PRPF18: variants seen among roughly 807,000 people sequenced by gnomAD.
PRPF18 encodes the protein pre-mRNA-splicing factor 18.
Under a neutral mutation model 46.5 loss-of-function variants are expected in PRPF18, and 38 were observed. That is an observed-to-expected ratio of 0.82 (90% confidence interval 0.63 to 1.07). PRPF18 has a LOEUF of 1.07. Among genes scored for constraint, PRPF18 ranks in the 50% least tolerant of loss-of-function variants. The probability of loss-of-function intolerance (pLI) is 0.00; values close to 1 mark genes in which losing one functional copy is unlikely to be tolerated. For missense variants in PRPF18, 263 were observed against 410.0 expected (o/e 0.64, Z 3.10); for synonymous variants, 152 against 146.7 (o/e 1.04, Z -0.26).
chr10:13,617,935 T>G (rs959133712), intron 9 of PRPF18, among the ~76,000 whole-genome samples: 3 of 152,144 alleles, frequency 2.0e-5, no homozygotes, highest in Non-Finnish European at 2.9e-5. Context: ...GCAGACCCAG[T>G]GGTATTCTTG....
At chr10:13,622,551 G>A (rs1297196653) in intron 9 of PRPF18, among the ~76,000 whole-genome samples, 2 of 152,186 alleles carry the variant, frequency 1.3e-5, no homozygotes, top group Non-Finnish European at 2.9e-5. Flanking sequence ...TTGAGTTGTT[G>A]TTTGTAATTT....
the PRPF18 span, among the ~76,000 whole-genome samples, chr10:13,636,665 TCACA>T: frequency 2.6e-5 from 4 of 152,292 alleles, no homozygotes; most frequent in East Asian, 7.7e-4. Flanking sequence ...AGTAAACATT[TCACA>T]CAGTAAACAA....
chr10:13,611,615 G>T lies in PRPF18; in HGVS notation c.511G>T (p.Ala171Ser). 2 of 1,612,742 alleles carry T rather than the reference G, an allele frequency of 1.2e-6. No individual in the cohort carries two copies. The highest frequency in any genetic ancestry group is 1.7e-6 in the Non-Finnish European group (2 of 1,179,274). Residue 171 changes from alanine (A) to serine (S), a missense_variant and splice_region_variant, in exon 6 of 10, where the codon GCG (alanine) becomes TCG (serine). Physicochemically the swap from Ala to Ser is moderately conservative, Grantham distance 99. Around this residue, in one of 4 missense-constraint regions of PRPF18, gnomAD observed 155 missense variants for 245.1 expected, o/e 0.63. Coordinates refer to ENST00000378572, the MANE Select transcript of PRPF18 (RefSeq NM_003675.4). ...AGAAGCATTGTTTCTTTTTCTTCAG[G>T]CGCTTGGAGAGTCCTTAGGGAAAGG... ...EENTTIEELE[A>S]LGESLGKGDD...
At chr10:13,609,533 C>G (rs2080241894) in intron 4 of PRPF18, among the ~76,000 whole-genome samples, 1 of 152,156 alleles carries the variant, frequency 6.6e-6, no homozygotes, top group African/African-American at 2.4e-5. Flanking sequence ...GGTCATGAAC[C>G]ATATGTGCAT....
chr10:13,596,810 C>G (rs2080041419), intron 1 of PRPF18, among the ~76,000 whole-genome samples: 1 of 152,060 alleles, frequency 6.6e-6, no homozygotes, highest in Non-Finnish European at 1.5e-5. Context: ...TTGATTGTGC[C>G]ACTCCACTCC....
intron 1 of PRPF18, among the ~76,000 whole-genome samples, chr10:13,596,886 A>C (rs929260035): frequency 5.3e-5 from 8 of 152,012 alleles, no homozygotes; most frequent in African/African-American, 1.9e-4. Flanking sequence ...CGCACAAAAA[A>C]CCCCAAATAT....
the PRPF18 span, chr10:13,643,515 G>A: frequency 6.6e-6 from 1 of 152,394 alleles, no homozygotes; most frequent in East Asian, 1.9e-4. Context: ...GAATAAGAGG[G>A]AATTCACCTC....
the PRPF18 span, chr10:13,638,852 G>A: frequency 6.6e-6 from 1 of 150,890 alleles, no homozygotes; most frequent in Admixed American, 6.7e-5. Context: ...GTCTTCCCCA[G>A]TGAAGTTGAC....
the PRPF18 span, chr10:13,646,387 C>T: frequency 6.3e-3 from 967 of 152,690 alleles, 1 homozygote; most frequent in Non-Finnish European, 8.7e-3. Flanking sequence ...TTTCTGGTGT[C>T]GAGAACTTCC....
Position 13,630,426 on chromosome 10 carries a change from G to C in PRPF18, c.*86G>C. 9.0e-7 allele frequency: 1 copy of C among 1,113,736 alleles called. No homozygotes were observed. The highest frequency in any genetic ancestry group is 2.5e-5 in the East Asian group (1 of 39,598). 69.0% of individuals were successfully genotyped at this position (1,113,736 alleles called of 1,614,324 possible). A position where few individuals can be genotyped will look rare whatever the true frequency, so the allele number is the denominator to read the frequency against. On this transcript the variant is annotated 3_prime_UTR_variant, in exon 10 of 10. Coordinates refer to ENST00000378572, the MANE Select transcript of PRPF18 (RefSeq NM_003675.4). ...GGAATTACCAACAGGAATGAGGAAA[G>C]AAGAAAACTGGAGTTTCCAGTCTCT... is the stretch of plus-strand genomic sequence containing the variant.
At chr10:13,595,606 G>A (rs1448373849) in intron 1 of PRPF18, among the ~76,000 whole-genome samples, 1 of 152,112 alleles carries the variant, frequency 6.6e-6, no homozygotes, top group Non-Finnish European at 1.5e-5. Flanking sequence ...CCTGAGTTCT[G>A]GGAATGTCAC....
intron 2 of PRPF18, among the ~76,000 whole-genome samples, chr10:13,598,851 ACCTTTTCAACTATTTGAT>A (rs2080069078): frequency 6.6e-6 from 1 of 152,132 alleles, no homozygotes; most frequent in South Asian, 2.1e-4. Context: ...TTAAATTTGA[ACCTTTTCAACTATTTGAT>A]AAGGTAGGAA....
intron 6 of PRPF18, among the ~76,000 whole-genome samples, chr10:13,612,174 C>T (rs1467300230): frequency 6.6e-6 from 1 of 152,210 alleles, no homozygotes; most frequent in Non-Finnish European, 1.5e-5. Context: ...GCCACTGCGA[C>T]TGGTCTGCTT....
the PRPF18 span, chr10:13,643,789 A>G: frequency 3.3e-5 from 5 of 152,684 alleles, no homozygotes; most frequent in Admixed American, 1.3e-4. Context: ...TCTTAATACA[A>G]AAAGAATAAA....
chr10:13,629,443 A>G lies in PRPF18; in HGVS notation c.949-817A>G, dbSNP rs191484315. On this transcript the variant is annotated intron_variant, in intron 9 of 9. Coordinates refer to ENST00000378572, the MANE Select transcript of PRPF18 (RefSeq NM_003675.4). ...AAAGTAAGTAATAAAATGAATGTCT[A>G]AAAGCCTTACTCCCAGTTTAAGAAC... Among the ~76,000 whole-genome samples, 209 of 152,372 alleles carry G rather than the reference A, an allele frequency of 1.4e-3. 2 individuals are homozygous for G. Among genetic ancestry groups the G allele is most frequent in the Admixed American group, 0.013 (196 of 15,312 alleles).
At position 13,626,686 on chromosome 10, in the gene PRPF18, A is replaced by G. The variant is rs80113630; in HGVS notation, c.949-3574A>G. 6.7e-3 allele frequency among the ~76,000 whole-genome samples: 1,023 copies of G among 152,336 alleles called. 5 individuals are homozygous for G. The highest frequency in any genetic ancestry group is 0.012 in the Non-Finnish European group (796 of 68,038). On this transcript the variant is annotated intron_variant, in intron 9 of 9. Transcript: ENST00000378572. ...CAGTATAGTATTTAGAAATGTGGCA[A>G]TAAATGCCAGAGGAAACACTTAAAA...
At chr10:13,607,162 G>A (rs1416821950) in intron 4 of PRPF18, among the ~76,000 whole-genome samples, 1 of 152,144 alleles carries the variant, frequency 6.6e-6, no homozygotes, top group East Asian at 1.9e-4. Flanking sequence ...CATAATCATG[G>A]CTCATGGCAG....
intron 4 of PRPF18, 92 bp downstream of exon 4, chr10:13,605,836 AAAAGT>A: frequency 7.0e-7 from 1 of 1,419,546 alleles, no homozygotes; most frequent in Non-Finnish European, 9.2e-7. Flanking sequence ...GCAACAATGG[AAAAGT>A]AAAGTGAGCA....
At chr10:13,641,031 T>G in the PRPF18 span, 4 of 152,264 alleles carry the variant, frequency 2.6e-5, no homozygotes, top group Non-Finnish European at 4.4e-5. Flanking sequence ...TCTACCAGCA[T>G]CTTGTCTTAC....
Sources: allele counts gnomAD v4.1 joint callset (sites outside exome capture counted in the v4.1 genomes callset), GRCh38; gene constraint gnomAD v4.1.1; regional missense constraint gnomAD v4.1.1; transcripts MANE v1.5; gene names NCBI Gene and HGNC (gene_info 2026-07-23, HGNC 2026-07-21).